Variants in DENND1A observed in about 807,000 individuals in gnomAD.
DENND1A encodes the protein DENN domain containing 1A.
In DENND1A, 51 loss-of-function variants were observed where a neutral mutation model predicts 113.7. The ratio of observed to expected loss-of-function variants is 0.45; its 90% CI spans 0.36 to 0.57. The LOEUF is 0.57. Ranked by LOEUF, DENND1A falls within the 20% of genes least tolerant of loss-of-function variation. The pLI is 0.00. For synonymous variants in DENND1A, 565 were observed against 570.8 expected (o/e 0.99, Z 0.14); for missense variants, 1,258 against 1,395.9 (o/e 0.90, Z 1.57).
At chr9:123,744,295 A>G (rs549926306) in intron 5 of DENND1A, among the ~76,000 whole-genome samples, 38 of 152,310 alleles carry the variant, frequency 2.5e-4, no homozygotes, top group African/African-American at 5.5e-4. Context: ...CTTTTCTTCT[A>G]TAAGTACTGG....
intron 5 of DENND1A, among the ~76,000 whole-genome samples, chr9:123,707,909 G>T (rs569931679): frequency 6.6e-6 from 1 of 152,216 alleles, no homozygotes; most frequent in East Asian, 1.9e-4. Context: ...AAATAATTCA[G>T]AATGGGAAGA....
rs200808594 is a variant in DENND1A, at chr9:123,382,325, C to T, written c.2320G>A (p.Val774Met). The change falls in exon 24 of 24, where the codon GTG (valine) becomes ATG (methionine). Residue 774 changes from valine (V) to methionine (M), a missense_variant. By Grantham distance (21) the Val-to-Met change is conservative. This residue lies in a region of DENND1A where 1,159 missense variants were observed against 1,231.7 expected (regional missense o/e 0.94). Transcript: ENST00000394215. ...QGRKTPELGI[V>M]PPPPIPRPAK... Reference sequence around the variant, plus strand: ...GGGCGGGGAATGGGCGGTGGAGGCACGATGCCCAGCTCTGGGGTCTTCCTG... The same window carrying T: ...GGGCGGGGAATGGGCGGTGGAGGCATGATGCCCAGCTCTGGGGTCTTCCTG... 14 of 1,609,132 alleles carry T rather than the reference C, an allele frequency of 8.7e-6. No homozygotes were observed. In the East Asian group the frequency reaches 8.9e-5, roughly 10 times the overall value.
At chr9:123,666,677 CAT>C (rs1412381417) in intron 8 of DENND1A, among the ~76,000 whole-genome samples, 2 of 151,952 alleles carry the variant, frequency 1.3e-5, no homozygotes, top group East Asian at 3.9e-4. Context: ...AAAAATAAGT[CAT>C]ATGAATGAAA....
At chr9:123,730,502 A>G (rs773878162) in intron 5 of DENND1A, among the ~76,000 whole-genome samples, 12 of 152,258 alleles carry the variant, frequency 7.9e-5, no homozygotes, top group Non-Finnish European at 1.6e-4. Context: ...AACATATGAA[A>G]AAAAGCTCAA....
intron 18 of DENND1A, among the ~76,000 whole-genome samples, chr9:123,442,374 C>T (rs1407321112): frequency 2.6e-5 from 4 of 152,106 alleles, no homozygotes; most frequent in Non-Finnish European, 5.9e-5. Flanking sequence ...ACAGAAACAG[C>T]TCTTTTGGAA....
At chr9:123,479,819 A>T (rs2050195486) in intron 13 of DENND1A, among the ~76,000 whole-genome samples, 1 of 152,222 alleles carries the variant, frequency 6.6e-6, no homozygotes, top group Admixed American at 6.5e-5. Context: ...ACACATTGGG[A>T]GCCTCTTGCT....
intron 1 of DENND1A, among the ~76,000 whole-genome samples, chr9:123,897,829 G>A (rs1299496422): frequency 6.6e-6 from 1 of 151,732 alleles, no homozygotes; most frequent in African/African-American, 2.4e-5. Context: ...TTAGGCAGAT[G>A]TGGCAGTGTG....
At chr9:123,817,986 C>A (rs1380025249) in intron 2 of DENND1A, among the ~76,000 whole-genome samples, 1 of 151,512 alleles carries the variant, frequency 6.6e-6, no homozygotes, top group East Asian at 2.0e-4. Context: ...GACATCACAC[C>A]ACTGCACTCC....
At chr9:123,541,366 AT>A (rs2056276064) in intron 13 of DENND1A, among the ~76,000 whole-genome samples, 1 of 152,238 alleles carries the variant, frequency 6.6e-6, no homozygotes, top group South Asian at 2.1e-4. Flanking sequence ...ATAAACACTT[AT>A]CAACCCAGGA....
intron 2 of DENND1A, among the ~76,000 whole-genome samples, chr9:123,852,546 G>A (rs1843537694): frequency 6.6e-6 from 1 of 152,142 alleles, no homozygotes; most frequent in South Asian, 2.1e-4. Flanking sequence ...TCAAAGACTT[G>A]TTTGAATTTA....
At chr9:123,760,989 T>G (rs1368437036) in intron 4 of DENND1A, among the ~76,000 whole-genome samples, 1 of 152,152 alleles carries the variant, frequency 6.6e-6, no homozygotes, top group Admixed American at 6.5e-5. Flanking sequence ...AAATGAATAC[T>G]AAGTATCATC....
chr9:123,428,798 A>G lies in DENND1A; in HGVS notation c.1488+11562T>C, dbSNP rs570206833. ...GAATGAACTCCCATTCACAATTGCT[A>G]CAAAAGAATAAAATATATAGGAAGA... On this transcript the variant is annotated intron_variant, in intron 19 of 23. Transcript: ENST00000394215. Among the ~76,000 whole-genome samples the G allele has an allele frequency of 3.5e-4, 54 of 152,320 alleles. 2 individuals are homozygous for G. The South Asian group carries it at 0.011, about 30-fold the overall frequency.
chr9:123,624,715 C>T (rs1344323213), intron 10 of DENND1A, among the ~76,000 whole-genome samples: 3 of 152,154 alleles, frequency 2.0e-5, no homozygotes, highest in Admixed American at 1.3e-4. Context: ...CCTTCCTTGC[C>T]AAGTCTTCTC....
intron 21 of DENND1A, chr9:123,401,792 G>A: frequency 1.2e-6 from 2 of 1,614,196 alleles, no homozygotes; most frequent in Non-Finnish European, 1.7e-6. Context: ...GCCCAGTCTG[G>A]AAAAGCAACG....
chr9:123,859,523 C>T (rs1844757057), intron 2 of DENND1A, among the ~76,000 whole-genome samples: 1 of 151,910 alleles, frequency 6.6e-6, no homozygotes. Context: ...AGAATTTGGA[C>T]TGTAACTCCA....
intron 21 of DENND1A, among the ~76,000 whole-genome samples, chr9:123,398,358 C>T (rs1379360605): frequency 1.3e-5 from 2 of 152,136 alleles, no homozygotes; most frequent in African/African-American, 4.8e-5. Flanking sequence ...TCAGAGCCTG[C>T]CATTGGCTTT....
intron 13 of DENND1A, among the ~76,000 whole-genome samples, chr9:123,533,138 A>G (rs916691163): frequency 2.6e-5 from 4 of 152,218 alleles, no homozygotes; most frequent in Non-Finnish European, 5.9e-5. Context: ...GGAAACTCAC[A>G]TTTTCTACAG....
At chr9:123,706,715 G>A (rs1241037270) in intron 5 of DENND1A, among the ~76,000 whole-genome samples, 4 of 139,102 alleles carry the variant, frequency 2.9e-5, no homozygotes, top group African/African-American at 1.1e-4. Flanking sequence ...AGCTTGCAGT[G>A]AGCCGAGATC....
At chr9:123,918,393 CA>C (rs1564505808) in intron 1 of DENND1A, among the ~76,000 whole-genome samples, 1 of 151,368 alleles carries the variant, frequency 6.6e-6, no homozygotes, top group African/African-American at 2.4e-5. Context: ...GAGGCTGAAG[CA>C]GGAGAATGGC....
Sources: allele counts gnomAD v4.1 joint callset (sites outside exome capture counted in the v4.1 genomes callset), GRCh38; gene constraint gnomAD v4.1.1; regional missense constraint gnomAD v4.1.1; transcripts MANE v1.5; gene names NCBI Gene and HGNC (gene_info 2026-07-23, HGNC 2026-07-21).